SHISA9: variants seen among roughly 807,000 people sequenced by gnomAD.
SHISA9 encodes protein shisa-9.
Under a neutral mutation model 38.0 loss-of-function variants are expected in SHISA9, and 13 were observed. The ratio of observed to expected loss-of-function variants is 0.34; its 90% confidence interval spans 0.22 to 0.54. SHISA9 has a LOEUF of 0.54. Among genes scored for constraint, SHISA9 ranks in the 20% least tolerant of loss-of-function variants. The probability of loss-of-function intolerance (pLI) is 0.91; values close to 1 mark genes in which losing one functional copy is unlikely to be tolerated. For synonymous variants in SHISA9, 275 were observed against 242.0 expected (o/e 1.14, Z -1.27); for missense variants, 538 against 575.8 (o/e 0.93, Z 0.67).
the SHISA9 span, among the ~76,000 whole-genome samples, chr16:13,311,145 C>T: frequency 6.6e-6 from 1 of 151,990 alleles, no homozygotes; most frequent in African/African-American, 2.4e-5. Flanking sequence ...CTCTGTCTGC[C>T]TGATTCTTCT....
chr16:13,391,316 G>A, the SHISA9 span, among the ~76,000 whole-genome samples: 1 of 152,308 alleles, frequency 6.6e-6, no homozygotes, highest in East Asian at 1.9e-4. Context: ...GTAGGCCTCA[G>A]TTTCCATCTG....
At chr16:13,135,444 C>T (rs185680416) in intron 2 of SHISA9, among the ~76,000 whole-genome samples, 1 of 152,306 alleles carries the variant, frequency 6.6e-6, no homozygotes, top group Admixed American at 6.5e-5. Context: ...AGCCAACATC[C>T]AATCACTGAA....
At chr16:13,000,919 G>T (rs61539162) in intron 2 of SHISA9, among the ~76,000 whole-genome samples, 4,227 of 152,144 alleles carry the variant, frequency 0.028, 153 homozygotes, top group East Asian at 0.11. Flanking sequence ...CCCTCATCTT[G>T]GGTTGCTTCT....
the SHISA9 span, among the ~76,000 whole-genome samples, chr16:13,419,729 C>T: frequency 6.6e-6 from 1 of 152,190 alleles, no homozygotes; most frequent in Non-Finnish European, 1.5e-5. Context: ...CTACTCAACT[C>T]TGTTGTTGTA....
At chr16:12,920,858 T>C (rs1047477250) in intron 2 of SHISA9, among the ~76,000 whole-genome samples, 15 of 152,360 alleles carry the variant, frequency 9.8e-5, no homozygotes, top group African/African-American at 3.4e-4. Context: ...CCATCCAGGA[T>C]ACCACGTTGT....
intron 3 of SHISA9, 40 bp from the exon 4 acceptor site, chr16:13,213,213 C>G (rs760008300): frequency 2.6e-6 from 4 of 1,544,946 alleles, no homozygotes; most frequent in Non-Finnish European, 2.6e-6. Context: ...GGGTGCCCTG[C>G]AAACAGATCA....
chr16:13,070,889 C>T (rs1341599661), intron 2 of SHISA9, among the ~76,000 whole-genome samples: 3 of 152,048 alleles, frequency 2.0e-5, no homozygotes, highest in Admixed American at 2.0e-4. Context: ...CCTGAGGAGC[C>T]CCGAGGAAAG....
chr16:13,531,262 C>T, the SHISA9 span, among the ~76,000 whole-genome samples: 1 of 152,072 alleles, frequency 6.6e-6, no homozygotes, highest in African/African-American at 2.4e-5. Flanking sequence ...AACCTGGGAC[C>T]CCAGTAAGGG....
the SHISA9 span, among the ~76,000 whole-genome samples, chr16:13,410,187 T>C: frequency 2.6e-5 from 4 of 152,232 alleles, no homozygotes; most frequent in Non-Finnish European, 2.9e-5. Context: ...AGTTGATTTT[T>C]AGTATGAAAT....
intron 2 of SHISA9, among the ~76,000 whole-genome samples, chr16:12,970,648 C>T (rs1042424066): frequency 3.4e-5 from 5 of 148,712 alleles, no homozygotes; most frequent in African/African-American, 1.2e-4. Context: ...GTAGCTGGAA[C>T]TATAGGCACA....
At chr16:13,464,148 A>G in the SHISA9 span, among the ~76,000 whole-genome samples, 1 of 152,204 alleles carries the variant, frequency 6.6e-6, no homozygotes, top group Non-Finnish European at 1.5e-5. Context: ...TAACTCTGTG[A>G]CTTTCTTTAT....
chr16:13,212,585 G>C (rs1239443161), intron 3 of SHISA9, among the ~76,000 whole-genome samples: 1 of 152,186 alleles, frequency 6.6e-6, no homozygotes, highest in African/African-American at 2.4e-5. Context: ...GGGATTCTCA[G>C]ATAACAAGCT....
the SHISA9 span, among the ~76,000 whole-genome samples, chr16:13,530,161 C>T: frequency 2.0e-5 from 3 of 152,084 alleles, no homozygotes; most frequent in African/African-American, 4.8e-5. Context: ...ATTAGCCAGG[C>T]CTGGTGGTGA....
At chr16:13,055,662 T>A (rs949920999) in intron 2 of SHISA9, among the ~76,000 whole-genome samples, 1 of 152,166 alleles carries the variant, frequency 6.6e-6, no homozygotes, top group African/African-American at 2.4e-5. Flanking sequence ...AAATTCTCCC[T>A]CCATGCCCAC....
intron 2 of SHISA9, among the ~76,000 whole-genome samples, chr16:13,046,771 A>G (rs958202157): frequency 6.6e-6 from 1 of 152,082 alleles, no homozygotes; most frequent in Non-Finnish European, 1.5e-5. Context: ...TTCCCTAGAC[A>G]CTTTCATCTC....
At chr16:13,383,775 G>A in the SHISA9 span, among the ~76,000 whole-genome samples, 70 of 152,198 alleles carry the variant, frequency 4.6e-4, no homozygotes, top group African/African-American at 1.5e-3. Flanking sequence ...CTTGGGCTCC[G>A]AGTAGCTGGG....
chr16:13,070,240 C>T (rs1285849705), intron 2 of SHISA9, among the ~76,000 whole-genome samples: 10 of 151,928 alleles, frequency 6.6e-5, no homozygotes, highest in African/African-American at 2.2e-4. Flanking sequence ...TTTTTCTCCC[C>T]GTGCCCCTCA....
rs143850425 is a variant in SHISA9, at chr16:13,106,322, A to G, written c.692-97072A>G. Among the ~76,000 whole-genome samples, 1,014 of 152,278 alleles carry G rather than the reference A, an allele frequency of 6.7e-3. 15 individuals carry two copies. Among genetic ancestry groups the G allele is most frequent in the African/African-American group, 0.023 (956 of 41,552 alleles). On this transcript the variant is annotated intron_variant, in intron 2 of 4. Coordinates refer to ENST00000558583, the MANE Select transcript of SHISA9 (RefSeq NM_001145204.3). ...GGGCCCAGCATGAAGCCTGATGTAC[A>G]GTAGCAAATTTGGTGCAAGTTTAAG... is the stretch of plus-strand genomic sequence containing the variant.
intron 2 of SHISA9, among the ~76,000 whole-genome samples, chr16:12,993,671 C>T (rs1480397133): frequency 6.6e-6 from 1 of 152,108 alleles, no homozygotes; most frequent in East Asian, 1.9e-4. Context: ...GCAGGAGGCA[C>T]ACATCAAGCT....
Sources: allele counts gnomAD v4.1 joint callset (sites outside exome capture counted in the v4.1 genomes callset), GRCh38; gene constraint gnomAD v4.1.1; transcripts MANE v1.5; gene names NCBI Gene and HGNC (gene_info 2026-07-23, HGNC 2026-07-21).